Variants in CAPN5 observed in about 807,000 individuals in gnomAD.
CAPN5 encodes calpain 5.
CAPN5 carries 54 observed loss-of-function variants against 73.0 expected under a neutral mutation model. The observed-to-expected ratio is 0.74, with a 90% CI of 0.59 to 0.93. The LOEUF is 0.93. CAPN5 is among the 40% of genes least tolerant of loss of function. CAPN5 has a pLI of 0.00. For missense variants in CAPN5, 785 were observed against 882.9 expected (o/e 0.89, Z 1.41); for synonymous variants, 335 against 356.9 (o/e 0.94, Z 0.69).
At chr11:77,119,812 G>A (rs1354825063) in intron 9 of CAPN5, 2 of 153,044 alleles carry the variant, frequency 1.3e-5, no homozygotes, top group African/African-American at 4.8e-5. Context: ...TCTTGTGCTG[G>A]TACATTCATT....
chr11:77,071,881 G>C (rs1197111608), intron 1 of CAPN5, among the ~76,000 whole-genome samples: 1 of 152,196 alleles, frequency 6.6e-6, no homozygotes, highest in African/African-American at 2.4e-5. Flanking sequence ...GCCCTCTGGC[G>C]CCTCAGGAAG....
intron 10 of CAPN5, among the ~76,000 whole-genome samples, chr11:77,121,178 G>A (rs1254898209): frequency 7.2e-5 from 11 of 152,268 alleles, no homozygotes; most frequent in Non-Finnish European, 1.3e-4. Flanking sequence ...ATCCCTGAGT[G>A]GGAGGCCTGA....
rs1335585391 is a variant in CAPN5 at position 77,120,725 on chromosome 11, C to A, written c.1303C>A (p.Arg435Ser). Residue 435 changes from arginine (R) to serine (S), a missense_variant, in exon 10 of 13, where the codon CGC becomes AGC. By Grantham distance (110) the Arg-to-Ser change is moderately radical. Coordinates refer to ENST00000648180, the MANE Select transcript of CAPN5 (RefSeq NM_004055.5). ...CCGCCTCCTGCAGGTGGAGGAGAACCGCCAGTACCGCATGCACAGCCTGCA... is the reference window on the plus strand; with the variant it reads ...CCGCCTCCTGCAGGTGGAGGAGAACAGCCAGTACCGCATGCACAGCCTGCA... ...GFDIYKVEEN[R>S]QYRMHSLQHK... 1 of 1,608,652 alleles carries A rather than the reference C, an allele frequency of 6.2e-7. No individual in the cohort carries two copies. Among genetic ancestry groups the A allele is most frequent in the East Asian group, 2.2e-5 (1 of 44,770 alleles).
chr11:77,080,667 C>T (rs1555034484), intron 1 of CAPN5, among the ~76,000 whole-genome samples: 1 of 152,200 alleles, frequency 6.6e-6, no homozygotes, highest in African/African-American at 2.4e-5. Context: ...ACACAGCCTC[C>T]TGGAAGAGGA....
At position 77,121,853 on chromosome 11, in the gene CAPN5, C is replaced by T. The variant is rs1950523157; in HGVS notation, c.1488-81C>T. On this transcript the variant is annotated intron_variant, in intron 10 of 12. Transcript: ENST00000648180. ...GGCTAAATACTGCTTCTCTTCCCTT[C>T]CCACTTCCTGAACCCCCTCTTCACC... The T allele has an allele frequency of 2.2e-5, 15 of 696,786 alleles. No individual in the cohort carries two copies. In the East Asian group the frequency reaches 3.7e-4, roughly 17 times the overall value. 43.2% of individuals were successfully genotyped at this position (696,786 alleles called of 1,614,324 possible).
intron 6 of CAPN5, among the ~76,000 whole-genome samples, 153 bp from the exon 7 acceptor site, chr11:77,116,073 G>C (rs547328489): frequency 6.6e-6 from 1 of 152,268 alleles, no homozygotes; most frequent in Non-Finnish European, 1.5e-5. Flanking sequence ...CCTGGAGAGG[G>C]GCTGGGCATG....
At chr11:77,103,413 G>A in intron 3 of CAPN5, 1 of 1,500,296 alleles carries the variant, frequency 6.7e-7, no homozygotes. Flanking sequence ...TATTTTTGGG[G>A]CCATTATTCT....
At chr11:77,106,026 C>T (rs1555039803) in intron 3 of CAPN5, among the ~76,000 whole-genome samples, 10 of 152,144 alleles carry the variant, frequency 6.6e-5, no homozygotes. Context: ...GCCCCACCCA[C>T]CTGAGAACCC....
At position 77,112,624 on chromosome 11, in the gene CAPN5, C is replaced by G; in HGVS notation, c.333C>G (p.Pro111=). Residue 111 remains proline, a synonymous_variant, in exon 4 of 13, where the codon CCC becomes CCG. Coordinates refer to ENST00000648180, the MANE Select transcript of CAPN5 (RefSeq NM_004055.5). ...IPDWKEQEWD[P]EKPNAYAGIF... is the part of the protein sequence containing the mutation. ...ACTGGAAGGAGCAGGAATGGGACCC[C>G]GAAAAGCCCAACGCCTACGCGGGCA... 1 of 1,614,150 alleles carries G rather than the reference C, an allele frequency of 6.2e-7. No individual in the cohort carries two copies. The highest frequency in any genetic ancestry group is 8.5e-7 in the Non-Finnish European group (1 of 1,180,026).
In CAPN5 at chr11:77,080,051, A is replaced by G. The variant is rs117914064; in HGVS notation, c.-35-4801A>G. On this transcript the variant is annotated intron_variant, in intron 1 of 12. Transcript: ENST00000648180. ...GTATACGGTTTGAGGTAGGGGTAAG[A>G]CAACTGTTTTTCCTTATGGATAGCC... 4.8e-3 allele frequency among the ~76,000 whole-genome samples: 729 copies of G among 152,252 alleles called. 4 individuals are homozygous for G. Among genetic ancestry groups the G allele is most frequent in the Non-Finnish European group, 7.8e-3 (533 of 68,022 alleles).
intron 7 of CAPN5, among the ~76,000 whole-genome samples, chr11:77,116,942 A>G (rs1950474128): frequency 6.6e-6 from 1 of 152,174 alleles, no homozygotes; most frequent in South Asian, 2.1e-4. Context: ...CTCAGCTTAA[A>G]GAGCCCAGTA....
intron 2 of CAPN5, among the ~76,000 whole-genome samples, chr11:77,087,041 G>A (rs989927551): frequency 6.6e-6 from 1 of 152,220 alleles, no homozygotes; most frequent in Middle Eastern, 3.2e-3. Flanking sequence ...GGATGTGGGG[G>A]CAGGTGACAG....
At chr11:77,094,041 T>C (rs1415424876) in intron 3 of CAPN5, among the ~76,000 whole-genome samples, 1 of 152,218 alleles carries the variant, frequency 6.6e-6, no homozygotes, top group Non-Finnish European at 1.5e-5. Flanking sequence ...GCTCCCAAGG[T>C]CATTCTGATG....
chr11:77,112,077 C>A (rs1555040807), intron 3 of CAPN5, among the ~76,000 whole-genome samples: 1 of 152,046 alleles, frequency 6.6e-6, no homozygotes, highest in Non-Finnish European at 1.5e-5. Context: ...GACACTGCTA[C>A]AGTTGTCCCT....
At position 77,075,192 on chromosome 11, in the gene CAPN5, C is replaced by T. The variant is rs1344264038; in HGVS notation, c.-36+8098C>T. ...TCTGCAGCCTCATCCATGATCCCTG[C>T]CCCACACCCCTCCCCTCCCCTTTTT... On this transcript the variant is annotated intron_variant, in intron 1 of 12. Transcript: ENST00000648180. Among the ~76,000 whole-genome samples, 4 of 152,262 alleles carry T rather than the reference C, an allele frequency of 2.6e-5. No homozygotes were observed. In the East Asian group the frequency reaches 7.7e-4, roughly 29 times the overall value.
intron 1 of CAPN5, chr11:77,073,151 C>T (rs186498259): frequency 1.3e-5 from 17 of 1,276,664 alleles, no homozygotes; most frequent in Middle Eastern, 2.2e-4. Flanking sequence ...GGGTGGCCAC[C>T]GCACTGGGTT....
chr11:77,095,372 G>GGCT (rs1950197180), intron 3 of CAPN5, among the ~76,000 whole-genome samples: 3 of 152,234 alleles, frequency 2.0e-5, no homozygotes, highest in Admixed American at 1.3e-4. Flanking sequence ...GGGCTGAAGG[G>GGCT]GCACATGGGC....
At chr11:77,086,603 T>C (rs1275911063) in intron 2 of CAPN5, among the ~76,000 whole-genome samples, 2 of 152,176 alleles carry the variant, frequency 1.3e-5, no homozygotes, top group Non-Finnish European at 2.9e-5. Flanking sequence ...CACGCCTTCC[T>C]CTCTTCCTTT....
At chr11:77,111,409 A>G (rs1950409133) in intron 3 of CAPN5, among the ~76,000 whole-genome samples, 1 of 152,150 alleles carries the variant, frequency 6.6e-6, no homozygotes, top group Non-Finnish European at 1.5e-5. Context: ...GTGACCCTGG[A>G]CGAGTTACGT....
Sources: gnomAD v4.1 joint callset for allele counts (sites outside exome capture counted in the v4.1 genomes callset) on GRCh38, gnomAD v4.1.1 for gene constraint, MANE v1.5 for transcripts, NCBI Gene and HGNC (gene_info 2026-07-23, HGNC 2026-07-21) for gene names.